The following RABGAP1L variants were observed in gnomAD, a reference collection of about 807,000 sequenced individuals.
RABGAP1L encodes rab GTPase-activating protein 1-like.
A neutral mutation model predicts 137.7 loss-of-function variants in RABGAP1L; 63 were observed. That is an observed-to-expected ratio of 0.46 (90% CI 0.37 to 0.56). The LOEUF is 0.56. Among genes scored for constraint, RABGAP1L ranks in the 20% least tolerant of loss-of-function variants. The probability of loss-of-function intolerance (pLI) is 0.00; values close to 1 mark genes in which losing one functional copy is unlikely to be tolerated. For missense variants in RABGAP1L, 1,095 were observed against 1,244.0 expected, an observed-to-expected ratio of 0.88 and a Z score of 1.80; for synonymous variants, 431 against 433.7, an observed-to-expected ratio of 0.99 and a Z score of 0.08.
intron 19 of RABGAP1L, among the ~76,000 whole-genome samples, chr1:174,933,982 A>G (rs1573894273): frequency 6.6e-6 from 1 of 152,258 alleles, no homozygotes. Flanking sequence ...TTTTTGGTAT[A>G]GAAACATTTT....
chr1:174,164,547 A>T (rs149265728), intron 1 of RABGAP1L, among the ~76,000 whole-genome samples: 1 of 152,162 alleles, frequency 6.6e-6, no homozygotes, highest in Non-Finnish European at 1.5e-5. Context: ...CCAGTTGTGC[A>T]TATTTCTTCC....
chr1:174,502,717 T>C (rs192927683), intron 13 of RABGAP1L, among the ~76,000 whole-genome samples: 2,053 of 150,590 alleles, frequency 0.014, 27 homozygotes, highest in Admixed American at 0.016. Context: ...TGCATATATA[T>C]ACACACACAC....
chr1:174,639,763 AC>A (rs375450253), intron 14 of RABGAP1L, among the ~76,000 whole-genome samples: 1 of 152,336 alleles, frequency 6.6e-6, no homozygotes, highest in African/African-American at 2.4e-5. Context: ...ATTACCAAAC[AC>A]AAAAATAAAA....
At chr1:174,289,791 A>G (rs1439325347) in intron 10 of RABGAP1L, among the ~76,000 whole-genome samples, 1 of 152,144 alleles carries the variant, frequency 6.6e-6, no homozygotes, top group Non-Finnish European at 1.5e-5. Context: ...CCTGACTGGT[A>G]TCTGAGGTCA....
intron 10 of RABGAP1L, among the ~76,000 whole-genome samples, chr1:174,301,923 T>C (rs1677740840): frequency 6.6e-6 from 1 of 152,164 alleles, no homozygotes; most frequent in Admixed American, 6.5e-5. Flanking sequence ...GGTTGGTGGA[T>C]TTGACTTGTA....
chr1:174,293,009 G>A (rs1016672428), intron 10 of RABGAP1L, among the ~76,000 whole-genome samples: 1 of 152,128 alleles, frequency 6.6e-6, no homozygotes. Flanking sequence ...AGGTTATTAG[G>A]TGGTGGACCA....
chr1:174,199,722 CTTAAAT>C, intron 1 of RABGAP1L, among the ~76,000 whole-genome samples: 1 of 152,138 alleles, frequency 6.6e-6, no homozygotes, highest in East Asian at 1.9e-4. Flanking sequence ...TTTTGAAAAT[CTTAAAT>C]AGGGCAAATT....
At chr1:174,430,504 C>T (rs534277236) in intron 13 of RABGAP1L, among the ~76,000 whole-genome samples, 4 of 152,162 alleles carry the variant, frequency 2.6e-5, no homozygotes, top group South Asian at 2.1e-4. Context: ...TTTAATTGAA[C>T]GCTAATTGCA....
rs1672487742 is a variant in RABGAP1L, at chr1:174,621,699, A to G, written c.1711-15676A>G. On this transcript the variant is annotated intron_variant, in intron 13 of 25. Coordinates refer to ENST00000681986, the MANE Select transcript of RABGAP1L (RefSeq NM_001366446.1). ...CTTCCTTACACCTTATACAAAAATT[A>G]ATTCAAGATGGATTAAAGACTTAAA... Among the ~76,000 whole-genome samples the G allele has an allele frequency of 4.6e-5, 7 of 152,326 alleles. No homozygotes were observed. In the South Asian group the frequency reaches 1.5e-3, roughly 32 times the overall value.
chr1:174,601,833 C>G (rs1213562207), intron 13 of RABGAP1L, among the ~76,000 whole-genome samples: 1 of 152,078 alleles, frequency 6.6e-6, no homozygotes, highest in South Asian at 2.1e-4. Context: ...TCATCTATCT[C>G]AAGTTCAAAG....
At position 174,550,988 on chromosome 1, in the gene RABGAP1L, A is replaced by ATATATATATATATATG. The variant is rs1394393682; in HGVS notation, c.1711-86379_1711-86378insTATATATGTATATATA. On this transcript the variant is annotated intron_variant, in intron 13 of 25. Transcript: ENST00000681986. ...TATATATACATGTATATATACATAT[A>ATATATATATATATATG]TATATATACACATATATATATATAT... Among the ~76,000 whole-genome samples, 13 of 100,422 alleles carry ATATATATATATATATG rather than the reference A, an allele frequency of 1.3e-4. 2 individuals are homozygous for ATATATATATATATATG. Among genetic ancestry groups the ATATATATATATATATG allele is most frequent in the African/African-American group, 8.2e-4 (13 of 15,920 alleles). 65.9% of individuals were successfully genotyped at this position (100,422 alleles called of 152,430 possible). A position where few individuals can be genotyped will look rare whatever the true frequency, so the allele number is the denominator to read the frequency against.
At chr1:174,405,599 G>T (rs1029865500) in intron 13 of RABGAP1L, among the ~76,000 whole-genome samples, 2 of 152,160 alleles carry the variant, frequency 1.3e-5, no homozygotes, top group Non-Finnish European at 2.9e-5. Flanking sequence ...ACAACAATGA[G>T]GCAGGCAAGG....
At chr1:174,682,444 T>G (rs1208298177) in intron 14 of RABGAP1L, among the ~76,000 whole-genome samples, 3 of 136,798 alleles carry the variant, frequency 2.2e-5, no homozygotes, top group African/African-American at 9.9e-5. Flanking sequence ...TGGTTTTACA[T>G]TTTAAAAAGT....
chr1:174,632,923 C>G (rs1037205607), intron 13 of RABGAP1L, among the ~76,000 whole-genome samples: 1 of 152,002 alleles, frequency 6.6e-6, no homozygotes, highest in Non-Finnish European at 1.5e-5. Flanking sequence ...CGGCTTTGTT[C>G]CGTTGCTGGT....
intron 13 of RABGAP1L, chr1:174,548,466 G>A (rs41266054): frequency 4.2e-5 from 39 of 932,744 alleles, no homozygotes; most frequent in Non-Finnish European, 4.7e-5. Flanking sequence ...ATATGCCTAA[G>A]ATTGGAGATA....
chr1:174,394,154 A>G lies in RABGAP1L; in HGVS notation c.1710+9A>G. On this transcript the variant is annotated intron_variant, in intron 13 of 25. Transcript: ENST00000681986. ...GAATTCTTATCACAAAGGTAGGAAGAAGTTCTTTTCATATTATTTTCATTG... is the reference window on the plus strand; with the variant it reads ...GAATTCTTATCACAAAGGTAGGAAGGAGTTCTTTTCATATTATTTTCATTG... 1 of 1,608,900 alleles carries G rather than the reference A, an allele frequency of 6.2e-7. No homozygotes were observed. The highest frequency in any genetic ancestry group is 8.5e-7 in the Non-Finnish European group (1 of 1,177,794).
At chr1:174,891,665 C>T (rs779529873) in intron 19 of RABGAP1L, among the ~76,000 whole-genome samples, 1 of 152,054 alleles carries the variant, frequency 6.6e-6, no homozygotes, top group East Asian at 1.9e-4. Flanking sequence ...CCATGCCTGG[C>T]TAATTTTTAA....
intron 18 of RABGAP1L, among the ~76,000 whole-genome samples, chr1:174,762,708 T>C (rs1167286635): frequency 6.6e-6 from 1 of 152,136 alleles, no homozygotes; most frequent in East Asian, 1.9e-4. Context: ...TAGAGTCAAA[T>C]TGAGAAAGCA....
intron 19 of RABGAP1L, among the ~76,000 whole-genome samples, chr1:174,953,462 C>G (rs1478202082): frequency 6.6e-6 from 1 of 152,184 alleles, no homozygotes; most frequent in Non-Finnish European, 1.5e-5. Flanking sequence ...CTAACCACTC[C>G]CCTTTGCCTT....
Sources: allele counts gnomAD v4.1 joint callset (sites outside exome capture counted in the v4.1 genomes callset), GRCh38; gene constraint gnomAD v4.1.1; transcripts MANE v1.5; gene names NCBI Gene and HGNC (gene_info 2026-07-23, HGNC 2026-07-21).